Variants in CLEC16A observed in about 807,000 individuals in gnomAD.
The protein encoded by CLEC16A is protein CLEC16A.
In CLEC16A, 51 loss-of-function variants were observed where a neutral mutation model predicts 109.5. The observed-to-expected ratio is 0.47, with a 90% confidence interval of 0.37 to 0.59. The LOEUF is 0.59. Among genes scored for constraint, CLEC16A ranks in the 20% least tolerant of loss-of-function variants. The pLI, the probability that CLEC16A is intolerant of heterozygous loss-of-function variation, is 0.00. For synonymous variants in CLEC16A, 673 were observed against 564.2 expected (o/e 1.19, Z -2.73); for missense variants, 1,339 against 1,394.0 (o/e 0.96, Z 0.63).
intron 19 of CLEC16A, among the ~76,000 whole-genome samples, chr16:11,092,990 C>T (rs367627207): frequency 6.6e-5 from 10 of 152,306 alleles, no homozygotes; most frequent in Middle Eastern, 3.4e-3. Context: ...TGTCGAGGCC[C>T]CCATGGAGCA....
chr16:10,996,677 G>A (rs2044349190), intron 10 of CLEC16A, among the ~76,000 whole-genome samples: 1 of 152,046 alleles, frequency 6.6e-6, no homozygotes, highest in African/African-American at 2.4e-5. Context: ...TTCTCTTCCA[G>A]CGTCTGCATG....
chr16:11,114,159 G>GTGTGTA, intron 19 of CLEC16A, among the ~76,000 whole-genome samples: 1 of 151,360 alleles, frequency 6.6e-6, no homozygotes, highest in South Asian at 2.1e-4. Context: ...GTGTGTGTGT[G>GTGTGTA]TGTGTGTGTG....
chr16:11,173,550 C>T (rs1263738649), intron 23 of CLEC16A, among the ~76,000 whole-genome samples: 1 of 152,132 alleles, frequency 6.6e-6, no homozygotes, highest in Non-Finnish European at 1.5e-5. Flanking sequence ...GAGGGAGAGG[C>T]TCGTGGAGAG....
At chr16:11,077,094 C>T (rs2049418120) in intron 19 of CLEC16A, among the ~76,000 whole-genome samples, 1 of 152,160 alleles carries the variant, frequency 6.6e-6, no homozygotes. Flanking sequence ...CCTGTAATCC[C>T]AGGACTTTGG....
chr16:11,160,176 A>G (rs16958103), intron 22 of CLEC16A, among the ~76,000 whole-genome samples: 2,303 of 152,170 alleles, frequency 0.015, 49 homozygotes, highest in African/African-American at 0.052. Flanking sequence ...CCTCAGAGTA[A>G]TTACCAAGTG....
chr16:11,163,710 G>C (rs2054805195), intron 22 of CLEC16A, among the ~76,000 whole-genome samples: 1 of 152,152 alleles, frequency 6.6e-6, no homozygotes, highest in Admixed American at 6.5e-5. Flanking sequence ...GAAAAGACGT[G>C]TCTTCTTCAA....
At chr16:11,050,566 C>T (rs929901740) in intron 17 of CLEC16A, among the ~76,000 whole-genome samples, 6 of 152,222 alleles carry the variant, frequency 3.9e-5, no homozygotes, top group Non-Finnish European at 5.9e-5. Context: ...TTCAACAACA[C>T]GTGTGCATTG....
chr16:10,983,138 A>G, intron 10 of CLEC16A, 147 bp downstream of exon 10: 1 of 574,712 alleles, frequency 1.7e-6, no homozygotes, highest in South Asian at 2.0e-5. Context: ...GAACCTAATC[A>G]GAGTCTTGAT....
chr16:11,023,146 C>T (rs949521834), intron 12 of CLEC16A, among the ~76,000 whole-genome samples: 4 of 148,506 alleles, frequency 2.7e-5, no homozygotes, highest in Non-Finnish European at 5.9e-5. Flanking sequence ...ATTTCACCCT[C>T]CCTTCTCCCA....
intron 11 of CLEC16A, among the ~76,000 whole-genome samples, chr16:11,004,756 C>G (rs1039402177): frequency 6.7e-6 from 1 of 150,120 alleles, no homozygotes; most frequent in Admixed American, 6.6e-5. Flanking sequence ...CAAAATGTCT[C>G]TCTGGTGCCA....
At chr16:11,120,525 C>T (rs2052326118) in intron 19 of CLEC16A, 90 bp from the exon 20 acceptor site, 4 of 1,386,076 alleles carry the variant, frequency 2.9e-6, no homozygotes, top group Non-Finnish European at 3.9e-6. Flanking sequence ...CTGAGCTCTG[C>T]TCCTGATAGA....
intron 10 of CLEC16A, among the ~76,000 whole-genome samples, chr16:10,998,712 G>A (rs536924579): frequency 6.6e-6 from 1 of 151,936 alleles, no homozygotes; most frequent in East Asian, 1.9e-4. Flanking sequence ...GTACAGCCTG[G>A]TACAAACATT....
chr16:10,952,763 A>G (rs912840426), intron 1 of CLEC16A, among the ~76,000 whole-genome samples: 2 of 152,222 alleles, frequency 1.3e-5, no homozygotes, highest in Non-Finnish European at 2.9e-5. Flanking sequence ...CTTGCAGTCT[A>G]CTGAGTATTT....
chr16:11,167,532 C>T (rs955400753), intron 23 of CLEC16A, among the ~76,000 whole-genome samples: 1 of 152,194 alleles, frequency 6.6e-6, no homozygotes, highest in African/African-American at 2.4e-5. Flanking sequence ...ATCCTCTCAG[C>T]ACCAGGAGCC....
intron 19 of CLEC16A, among the ~76,000 whole-genome samples, chr16:11,103,054 G>A (rs545419116): frequency 6.6e-6 from 1 of 152,226 alleles, no homozygotes; most frequent in Non-Finnish European, 1.5e-5. Context: ...GACACAGAGG[G>A]AGGGCCTGAG....
intron 3 of CLEC16A, among the ~76,000 whole-genome samples, chr16:10,967,270 C>T (rs75000049): frequency 2.0e-5 from 3 of 152,244 alleles, no homozygotes; most frequent in Non-Finnish European, 4.4e-5. Flanking sequence ...TGATGATTCC[C>T]AACAGACTGT....
rs527366598 is a variant in CLEC16A, at chr16:11,001,855, C to A, written c.1072-1219C>A. ...ACTTTGTCCTCTGGGGCGAGCTGAT[C>A]TTTGACTTATTGCTGATACTTACTA... On this transcript the variant is annotated intron_variant, in intron 10 of 23. Transcript: ENST00000409790. 2.0e-5 allele frequency among the ~76,000 whole-genome samples: 3 copies of A among 152,300 alleles called. No homozygotes were observed. The East Asian group carries it at 5.8e-4, about 29-fold the overall frequency.
At chr16:11,131,320 C>T (rs2053194389) in intron 22 of CLEC16A, among the ~76,000 whole-genome samples, 1 of 152,238 alleles carries the variant, frequency 6.6e-6, no homozygotes, top group Non-Finnish European at 1.5e-5. Flanking sequence ...CAAAACTCGC[C>T]TGCAAGGCCA....
chr16:11,003,188 G>C lies in CLEC16A; in HGVS notation c.1186G>C (p.Val396Leu), dbSNP rs774312800. 15 of 1,613,524 alleles carry C rather than the reference G, an allele frequency of 9.3e-6. No individual in the cohort carries two copies. Among genetic ancestry groups the C allele is most frequent in the Non-Finnish European group, 1.3e-5 (15 of 1,179,854 alleles). ...RVQKRPNYKN[V>L]GEEEDEEKGP... ...GCAAAAGAGACCCAACTACAAAAAC[G>C]TTGGGGAAGAAGAAGATGAGGAGAA... is the stretch of plus-strand genomic sequence containing the variant. The change falls in exon 11 of 24, where the codon GTT (valine) becomes CTT (leucine). Residue 396 changes from valine to leucine, a missense_variant. Physicochemically the swap from Val to Leu is conservative, Grantham distance 32. Coordinates refer to ENST00000409790, the MANE Select transcript of CLEC16A (RefSeq NM_015226.3).
Sources: gnomAD v4.1 joint callset for allele counts (sites outside exome capture counted in the v4.1 genomes callset) on GRCh38, gnomAD v4.1.1 for gene constraint, MANE v1.5 for transcripts, NCBI Gene and HGNC (gene_info 2026-07-23, HGNC 2026-07-21) for gene names.